The following ANO7 variants were observed in gnomAD, a reference collection of about 807,000 sequenced individuals.
ANO7 encodes anoctamin-7.
Under a neutral mutation model 115.8 loss-of-function variants are expected in ANO7, and 114 were observed. That is an observed-to-expected ratio of 0.98 (90% CI 0.85 to 1.15). The LOEUF (loss-of-function observed/expected upper bound fraction) is 1.15. ANO7 is among the 50% of genes most tolerant of loss of function. The pLI, the probability that ANO7 is intolerant of heterozygous loss-of-function variation, is 0.00. For synonymous variants in ANO7, 550 were observed against 498.2 expected (o/e 1.10, Z -1.38); for missense variants, 1,302 against 1,201.2 (o/e 1.08, Z -1.24).
At chr2:241,191,104 G>C (rs564145928) in intron 2 of ANO7, 90 bp from the exon 3 acceptor site, 1 of 1,459,028 alleles carries the variant, frequency 6.9e-7, no homozygotes, top group Admixed American at 1.7e-5. Flanking sequence ...GGTTGGAGGC[G>C]AGGACGGCTT....
rs757422697 is a variant in ANO7 at position 241,217,784 on chromosome 2, CG to C, written c.2072del (p.Arg691ProfsTer139). On this transcript the variant is annotated frameshift_variant, in exon 20 of 25. Coordinates refer to ENST00000674324, the MANE Select transcript of ANO7 (RefSeq NM_001370694.2). LOFTEE classifies it high-confidence loss of function. ...CTGGGTGGAGATCCGCTTGGACGCG[CG>C]CAAGTTCGTCTGCGAGTACCGGCGC... is the stretch of plus-strand genomic sequence containing the variant. ...NNWVEIRLDARKFVCEYRRPV... is the reference protein window; with the variant it reads ...NNWVEIRLDAXKFVCEYRRPV... 5.0e-6 allele frequency: 8 copies of C among 1,610,082 alleles called. No homozygotes were observed. In the African/African-American group the frequency reaches 1.1e-4, roughly 22 times the overall value.
At chr2:241,233,999 G>A in the ANO7 span, 2 of 1,612,788 alleles carry the variant, frequency 1.2e-6, no homozygotes, top group Non-Finnish European at 1.7e-6. The surrounding 1 kb of genome is among the most constrained non-coding windows in gnomAD (Gnocchi z 4.3). Context: ...GGCAAAGATT[G>A]AGCTGATCCA....
chr2:241,195,749 G>A lies in ANO7; in HGVS notation c.213G>A (p.Gln71=). The change falls in exon 4 of 25, where the codon CAG becomes CAA. Residue 71 remains glutamine (Q), a synonymous_variant. Coordinates refer to ENST00000674324, the MANE Select transcript of ANO7 (RefSeq NM_001370694.2). ...AGGAGGACCTGAAGCTAGACAGGCA[G>A]CAGGACAGTGCCGCCCGGGACAGAA... is the stretch of plus-strand genomic sequence containing the variant. ...VWEEDLKLDR[Q]QDSAARDRTD... 3 of 1,614,252 alleles carry A rather than the reference G, an allele frequency of 1.9e-6. No homozygotes were observed. The highest frequency in any genetic ancestry group is 1.7e-6 in the Non-Finnish European group (2 of 1,180,042).
intron 3 of ANO7, among the ~76,000 whole-genome samples, chr2:241,195,220 G>A (rs1015732997): frequency 6.6e-6 from 1 of 152,186 alleles, no homozygotes; most frequent in Admixed American, 6.5e-5. Context: ...AGGAAGTGAA[G>A]GGAAGGGAAG....
chr2:241,205,271 C>T (rs1052425797), intron 10 of ANO7, among the ~76,000 whole-genome samples: 1 of 147,210 alleles, frequency 6.8e-6, no homozygotes, highest in Non-Finnish European at 1.5e-5. Flanking sequence ...AGACGGGGCG[C>T]TCCCAGGCTG....
In ANO7 at chr2:241,190,427, G is replaced by C. The variant is rs536623549; in HGVS notation, c.108+256G>C. ...CAGACAGGAGCTCCAGGAGGGTAAG[G>C]GGGGCCTGGCCAGGCAAAGGCAAGA... On this transcript the variant is annotated intron_variant, in intron 2 of 24. Coordinates refer to ENST00000674324, the MANE Select transcript of ANO7 (RefSeq NM_001370694.2). Among the ~76,000 whole-genome samples the C allele has an allele frequency of 3.3e-5, 5 of 152,308 alleles. No homozygotes were observed. In the East Asian group the frequency reaches 7.7e-4, roughly 24 times the overall value.
Position 241,195,833 on chromosome 2 carries a change from G to A in ANO7, c.297G>A (p.Leu99=), listed in dbSNP as rs1172831871. 4 of 1,614,132 alleles carry A rather than the reference G, an allele frequency of 2.5e-6. No homozygotes were observed. The highest frequency in any genetic ancestry group is 3.4e-6 in the Non-Finnish European group (4 of 1,180,034). Residue 99 remains leucine, a synonymous_variant, in exon 4 of 25, where the codon CTG becomes CTA. Transcript: ENST00000674324. ...TFLDNLRAAG[L]CVDQQDVQDG... ...TGGATAATCTTCGTGCGGCTGGGCT[G>A]TGTGTAGACCAGGTACGTGGAGGCT...
chr2:241,191,567 G>A (rs1312443766), intron 3 of ANO7, among the ~76,000 whole-genome samples: 1 of 151,666 alleles, frequency 6.6e-6, no homozygotes, highest in Admixed American at 6.6e-5. Flanking sequence ...GGTCATTTCT[G>A]ACTCTTATCT....
chr2:241,239,331 T>G, the ANO7 span, among the ~76,000 whole-genome samples: 3 of 152,174 alleles, frequency 2.0e-5, no homozygotes, highest in East Asian at 1.9e-4. The surrounding 1 kb of genome is among the most constrained non-coding windows in gnomAD (Gnocchi z 4.6). Flanking sequence ...TCTCTTGCTT[T>G]CTTTCCTCTC....
At chr2:241,235,308 A>G in the ANO7 span, 1 of 1,612,728 alleles carries the variant, frequency 6.2e-7, no homozygotes, top group Non-Finnish European at 8.5e-7. Flanking sequence ...AACAGGAAAG[A>G]GTCCATTGGC....
Position 241,204,859 on chromosome 2 carries a change from CTACAGGGTTT to C in ANO7, c.890-1_898del, listed in dbSNP as rs771106060. 6.2e-7 allele frequency: 1 copy of C among 1,612,746 alleles called. No individual in the cohort carries two copies. Among genetic ancestry groups the C allele is most frequent in the African/African-American group, 1.3e-5 (1 of 75,018 alleles). On this transcript the variant is annotated splice_acceptor_variant and splice_polypyrimidine_tract_variant and coding_sequence_variant and intron_variant, in exon 10 of 25. Transcript: ENST00000674324. LOFTEE classifies it high-confidence loss of function. ...TGATGGTGGACCCCTGCCATCCTCT[CTACAGGGTTT>C]TACACAGGCTGGCTCCTGCCAGCGG...
At chr2:241,217,130 G>A (rs112754123) in intron 19 of ANO7, among the ~76,000 whole-genome samples, 7,499 of 152,274 alleles carry the variant, frequency 0.049, 653 homozygotes, top group African/African-American at 0.17. Context: ...AACTGTGCCC[G>A]GCAGGCAGCT....
chr2:241,207,737 C>A, intron 11 of ANO7, 67 bp downstream of exon 11: 2 of 1,465,346 alleles, frequency 1.4e-6, no homozygotes, highest in Middle Eastern at 1.7e-4. Context: ...CTCCCCTTGT[C>A]CTGGTCCTGA....
the ANO7 span, chr2:241,235,427 G>A: frequency 6.8e-7 from 1 of 1,462,432 alleles, no homozygotes; most frequent in Non-Finnish European, 9.6e-7. Context: ...AAAGGACACT[G>A]GCACTCGGGA....
rs534398519 is a variant in ANO7 at position 241,188,844 on chromosome 2, A to T, written c.-8+78A>T. 4.2e-5 allele frequency: 64 copies of T among 1,531,966 alleles called. 1 individual carries two copies. The East Asian group carries it at 1.2e-3, about 29-fold the overall frequency. 94.9% of individuals were successfully genotyped at this position (1,531,966 alleles called of 1,614,324 possible). ...CTCTAGGGAGGCAGGGCGGCACCCCAGCCCACCGGGACTTTCACACACCCT... is the reference window on the plus strand; with the variant it reads ...CTCTAGGGAGGCAGGGCGGCACCCCTGCCCACCGGGACTTTCACACACCCT... On this transcript the variant is annotated intron_variant, in intron 1 of 24. Transcript: ENST00000674324. This position sits in a 1 kb window ranked among gnomAD's most constrained non-coding sequence, Gnocchi z 4.3.
rs60170763 is a variant in ANO7, at chr2:241,200,054, C to T, written c.418-35C>T. Reference sequence around the variant, plus strand: ...CCACCTGGGGCATTTGCCCTCCTCCCGGGAGTGGGAGGAGCCACTGACGTT... The same window carrying T: ...CCACCTGGGGCATTTGCCCTCCTCCTGGGAGTGGGAGGAGCCACTGACGTT... On this transcript the variant is annotated intron_variant, in intron 5 of 24. Coordinates refer to ENST00000674324, the MANE Select transcript of ANO7 (RefSeq NM_001370694.2). The T allele has an allele frequency of 8.1e-4, 1,295 of 1,605,194 alleles. 5 individuals carry two copies. In the African/African-American group the frequency reaches 0.014, roughly 17 times the overall value.
chr2:241,213,246 G>T (rs930690556), intron 17 of ANO7, among the ~76,000 whole-genome samples: 9 of 149,526 alleles, frequency 6.0e-5, no homozygotes, highest in African/African-American at 2.2e-4. Context: ...CACAGGGGTC[G>T]CAGGGGCTGG....
chr2:241,200,364 G>A (rs1217240637), intron 6 of ANO7, 139 bp downstream of exon 6: 5 of 1,194,840 alleles, frequency 4.2e-6, no homozygotes, highest in Admixed American at 5.8e-5. Flanking sequence ...AGGTGCGCAC[G>A]CTTATCGCGT....
the ANO7 span, among the ~76,000 whole-genome samples, chr2:241,237,622 C>T: frequency 9.2e-5 from 14 of 152,032 alleles, no homozygotes; most frequent in Non-Finnish European, 1.3e-4. Context: ...ATGTTAAATC[C>T]GATTCCGATA....
Sources: allele counts gnomAD v4.1 joint callset (sites outside exome capture counted in the v4.1 genomes callset), GRCh38; gene constraint gnomAD v4.1.1; non-coding constraint Gnocchi (gnomAD v3.1); transcripts MANE v1.5; gene names NCBI Gene and HGNC (gene_info 2026-07-23, HGNC 2026-07-21).